Variants in AP1G1 observed in about 807,000 individuals in gnomAD.
AP1G1 encodes AP-1 complex subunit gamma-1.
Under a neutral mutation model 108.3 loss-of-function variants are expected in AP1G1, and 7 were observed. The ratio of observed to expected loss-of-function variants is 0.06; its 90% CI spans 0.04 to 0.12. The LOEUF is 0.12. Among genes scored for constraint, AP1G1 ranks in the 10% least tolerant of loss-of-function variants. The probability of loss-of-function intolerance (pLI) is 1.00; values close to 1 mark genes in which losing one functional copy is unlikely to be tolerated. For synonymous variants in AP1G1, 379 were observed against 353.5 expected, an observed-to-expected ratio of 1.07 and a Z score of -0.81; for missense variants, 756 against 1,010.7, an observed-to-expected ratio of 0.75 and a Z score of 3.42.
At chr16:71,745,859 G>A (rs2030146225) in intron 17 of AP1G1, among the ~76,000 whole-genome samples, 1 of 151,092 alleles carries the variant, frequency 6.6e-6, no homozygotes, top group South Asian at 2.1e-4. Context: ...ATATTTCAGT[G>A]GTAGAGAGAC....
At chr16:71,780,442 G>A (rs977280389) in intron 2 of AP1G1, among the ~76,000 whole-genome samples, 5 of 147,770 alleles carry the variant, frequency 3.4e-5, no homozygotes. Context: ...AGTGAACTAC[G>A]ATTGCACCAC....
intron 6 of AP1G1, among the ~76,000 whole-genome samples, chr16:71,766,057 G>GA (rs1338688578): frequency 1.3e-5 from 2 of 151,798 alleles, no homozygotes; most frequent in Non-Finnish European, 2.9e-5. Context: ...CTCAAATAGA[G>GA]AAAAAAATCT....
chr16:71,745,302 T>C (rs1567642446), intron 18 of AP1G1, 32 bp from the exon 19 acceptor site: 2 of 1,613,262 alleles, frequency 1.2e-6, no homozygotes, highest in Non-Finnish European at 1.7e-6. Context: ...CAATTCATTA[T>C]TATTTGATTT....
intron 3 of AP1G1, 37 bp from the exon 4 acceptor site, chr16:71,773,399 T>G (rs763314504): frequency 2.0e-6 from 3 of 1,469,350 alleles, no homozygotes; most frequent in Non-Finnish European, 2.7e-6. Context: ...ACAAGCCTGG[T>G]GCTCCCCAAG....
chr16:71,761,610 T>C (rs1434591407), intron 9 of AP1G1, 43 bp from the exon 10 acceptor site: 1 of 1,398,236 alleles, frequency 7.2e-7, no homozygotes, highest in East Asian at 2.3e-5. Flanking sequence ...AAAATGGAAG[T>C]TTTATATTGT....
intron 1 of AP1G1, 45 bp downstream of exon 1, chr16:71,808,718 G>A (rs1011902984): frequency 6.2e-6 from 8 of 1,285,832 alleles, no homozygotes; most frequent in East Asian, 1.1e-4. Flanking sequence ...GGCAGCGGCG[G>A]GGCAAAAGCA....
intron 1 of AP1G1, among the ~76,000 whole-genome samples, chr16:71,805,657 TTG>T (rs2032973053): frequency 6.6e-6 from 1 of 152,188 alleles, no homozygotes; most frequent in Non-Finnish European, 1.5e-5. Context: ...AAAATCTGTT[TTG>T]GTATGTAGAT....
chr16:71,740,456 T>C (rs548382142), intron 19 of AP1G1, among the ~76,000 whole-genome samples: 23 of 152,320 alleles, frequency 1.5e-4, no homozygotes, highest in Non-Finnish European at 2.2e-4. Flanking sequence ...AAAGCATTCA[T>C]AGCAGGAACA....
chr16:71,787,240 A>C (rs989481228), intron 2 of AP1G1, among the ~76,000 whole-genome samples: 1 of 148,406 alleles, frequency 6.7e-6, no homozygotes, highest in Non-Finnish European at 1.5e-5. Flanking sequence ...AATCTTTTGA[A>C]CCCAGTAGGT....
At chr16:71,802,337 G>C (rs1474870892) in intron 1 of AP1G1, among the ~76,000 whole-genome samples, 1 of 152,118 alleles carries the variant, frequency 6.6e-6, no homozygotes, top group Non-Finnish European at 1.5e-5. Context: ...CACAGTCTTA[G>C]CTCACTGCAG....
At chr16:71,753,189 T>C (rs2030599530) in intron 13 of AP1G1, among the ~76,000 whole-genome samples, 1 of 152,198 alleles carries the variant, frequency 6.6e-6, no homozygotes, top group Non-Finnish European at 1.5e-5. Context: ...AAATACCTAA[T>C]CCTTGCCTAC....
chr16:71,772,907 G>C lies in AP1G1; in HGVS notation c.468+314C>G, dbSNP rs906369024. ...CACAAAGGCACTAATACAAAGATAT[G>C]GGTATTAATTATTAGGACAAAAGTA... On this transcript the variant is annotated intron_variant, in intron 4 of 22. Transcript: ENST00000299980. The C allele has an allele frequency of 5.4e-5, 21 of 389,132 alleles. 1 individual carries two copies. Among genetic ancestry groups the C allele is most frequent in the South Asian group, 4.1e-4 (20 of 48,330 alleles). The allele number at this position is 389,132 out of a possible 1,614,324, so 24.1% of individuals were successfully genotyped here.
chr16:71,808,372 G>A, intron 1 of AP1G1: 1 of 903,232 alleles, frequency 1.1e-6, no homozygotes, highest in Non-Finnish European at 1.5e-6. Context: ...ACGGGTACAA[G>A]ACACAAGAAC....
chr16:71,767,651 G>C (rs867852957), intron 6 of AP1G1, among the ~76,000 whole-genome samples: 3 of 152,178 alleles, frequency 2.0e-5, no homozygotes, highest in African/African-American at 7.2e-5. Context: ...TACAACTCAG[G>C]AAAGGCTGCA....
At chr16:71,771,821 T>C (rs965766939) in intron 4 of AP1G1, among the ~76,000 whole-genome samples, 3 of 152,252 alleles carry the variant, frequency 2.0e-5, no homozygotes, top group African/African-American at 4.8e-5. Context: ...AACTGAAAGA[T>C]ATATACTGTA....
Position 71,730,152 on chromosome 16 carries a change from A to G in AP1G1, c.*2906T>C, listed in dbSNP as rs2045463690. The G allele has an allele frequency of 6.6e-6, 1 of 152,650 alleles. No individual in the cohort carries two copies. The allele number at this position is 152,650 out of a possible 1,614,324, so 9.5% of individuals were successfully genotyped here. A position where few individuals can be genotyped will look rare whatever the true frequency, so the allele number is the denominator to read the frequency against. ...ATAAAGACCTTAAAATTAACAGATG[A>G]TCACTATGCACAGCCTAAAACTTCC... On this transcript the variant is annotated 3_prime_UTR_variant, in exon 23 of 23. Transcript: ENST00000299980.
chr16:71,779,598 C>G (rs2031926751), intron 2 of AP1G1, among the ~76,000 whole-genome samples: 1 of 152,098 alleles, frequency 6.6e-6, no homozygotes, highest in African/African-American at 2.4e-5. Flanking sequence ...ACCTCGCCTC[C>G]CAAAGCACTG....
intron 1 of AP1G1, chr16:71,808,117 A>AATT (rs1221649380): frequency 8.7e-7 from 1 of 1,154,996 alleles, no homozygotes; most frequent in Non-Finnish European, 1.1e-6. Context: ...AGACCGGGAG[A>AATT]ATTATTAGAC....
intron 1 of AP1G1, among the ~76,000 whole-genome samples, chr16:71,801,578 T>C (rs2032802282): frequency 6.6e-6 from 1 of 152,088 alleles, no homozygotes; most frequent in African/African-American, 2.4e-5. Context: ...TAATCCAAAA[T>C]CTGAAATTCT....
Sources: allele counts gnomAD v4.1 joint callset (sites outside exome capture counted in the v4.1 genomes callset), GRCh38; gene constraint gnomAD v4.1.1; transcripts MANE v1.5; gene names NCBI Gene and HGNC (gene_info 2026-07-23, HGNC 2026-07-21).